CACNG3: variants seen among roughly 807,000 people sequenced by gnomAD.
CACNG3 encodes calcium voltage-gated channel auxiliary subunit gamma 3, also known as voltage-dependent calcium channel gamma-3 subunit.
CACNG3 carries 3 observed loss-of-function variants against 28.5 expected under a neutral mutation model. The ratio of observed to expected loss-of-function variants is 0.11; its 90% CI spans 0.05 to 0.27. CACNG3 has a LOEUF of 0.27. Ranked by LOEUF, CACNG3 falls within the 10% of genes least tolerant of loss-of-function variation. The probability of loss-of-function intolerance (pLI) is 1.00; values close to 1 mark genes in which losing one functional copy is unlikely to be tolerated. For synonymous variants in CACNG3, 174 were observed against 162.2 expected (o/e 1.07, Z -0.55); for missense variants, 236 against 414.4 (o/e 0.57, Z 3.74).
chr16:24,260,509 C>T (rs1173502636), intron 1 of CACNG3, among the ~76,000 whole-genome samples: 1 of 152,200 alleles, frequency 6.6e-6, no homozygotes, highest in Non-Finnish European at 1.5e-5. Context: ...GGTCACACAC[C>T]TAAACTCAGC....
chr16:24,266,207 A>C (rs1898606698), intron 1 of CACNG3, among the ~76,000 whole-genome samples: 1 of 152,208 alleles, frequency 6.6e-6, no homozygotes, highest in South Asian at 2.1e-4. Context: ...ACTGACAATA[A>C]AAAGAAAGGA....
intron 3 of CACNG3, among the ~76,000 whole-genome samples, chr16:24,358,271 C>T (rs138327829): frequency 7.9e-5 from 12 of 152,386 alleles, no homozygotes; most frequent in African/African-American, 2.6e-4. Context: ...TGAAGTCAGG[C>T]TGCCTGGCGC....
chr16:24,262,528 T>C (rs938360724), intron 1 of CACNG3, among the ~76,000 whole-genome samples: 1 of 152,332 alleles, frequency 6.6e-6, no homozygotes, highest in South Asian at 2.1e-4. Flanking sequence ...CCACCACCAC[T>C]GCACCTACCC....
Position 24,361,628 on chromosome 16 carries a change from G to C in CACNG3, c.713G>C (p.Arg238Pro), listed in dbSNP as rs746746638. The change falls in exon 4 of 4, where the codon CGC becomes CCC. Residue 238 changes from arginine (R) to proline (P), a missense_variant. This residue lies in a region of CACNG3 where 116 missense variants were observed against 151.0 expected (regional missense o/e 0.77). Coordinates refer to ENST00000005284, the MANE Select transcript of CACNG3 (RefSeq NM_006539.4). The surrounding 1 kb of genome is among the most constrained non-coding windows in gnomAD (Gnocchi z 6.8). ...RYRFRRRSSS[R>P]STEPRSRDLS... ...CGATTCCGGAGGCGGTCAAGTTCTC[G>C]CTCCACCGAGCCCAGATCCCGAGAC... 1 of 1,613,166 alleles carries C rather than the reference G, an allele frequency of 6.2e-7. No individual in the cohort carries two copies. The highest frequency in any genetic ancestry group is 1.7e-5 in the Admixed American group (1 of 59,878).
intron 1 of CACNG3, among the ~76,000 whole-genome samples, chr16:24,319,606 T>C (rs1438236309): frequency 1.2e-5 from 1 of 84,228 alleles, no homozygotes; most frequent in Admixed American, 1.1e-4. Context: ...ATTTATTTAT[T>C]TATTTATTTA....
chr16:24,262,724 T>TA (rs1460320433), intron 1 of CACNG3, among the ~76,000 whole-genome samples: 2 of 152,242 alleles, frequency 1.3e-5, no homozygotes, highest in African/African-American at 4.8e-5. Flanking sequence ...GAAAGAAACT[T>TA]ACTCCTCTTC....
At chr16:24,296,186 G>C (rs1899030247) in intron 1 of CACNG3, among the ~76,000 whole-genome samples, 1 of 152,138 alleles carries the variant, frequency 6.6e-6, no homozygotes, top group Non-Finnish European at 1.5e-5. Flanking sequence ...CCGACTCCTG[G>C]TCCTTCCTCC....
intron 1 of CACNG3, among the ~76,000 whole-genome samples, chr16:24,298,297 C>G (rs1357120922): frequency 6.6e-6 from 1 of 152,108 alleles, no homozygotes; most frequent in Non-Finnish European, 1.5e-5. Flanking sequence ...TTTACTCCAT[C>G]ACTTAATGAC....
At chr16:24,319,273 A>G (rs1899425611) in intron 1 of CACNG3, among the ~76,000 whole-genome samples, 1 of 152,208 alleles carries the variant, frequency 6.6e-6, no homozygotes, top group Non-Finnish European at 1.5e-5. Flanking sequence ...GAGGTAAAGG[A>G]AGACAAAGGT....
At chr16:24,267,107 C>T (rs994847332) in intron 1 of CACNG3, among the ~76,000 whole-genome samples, 6 of 151,708 alleles carry the variant, frequency 4.0e-5, no homozygotes, top group Non-Finnish European at 8.8e-5. Context: ...GCTGGGACTA[C>T]AGGAGCCCGC....
chr16:24,271,254 T>G (rs893167203), intron 1 of CACNG3, among the ~76,000 whole-genome samples: 1 of 152,206 alleles, frequency 6.6e-6, no homozygotes, highest in Admixed American at 6.5e-5. Flanking sequence ...TTTAACACTT[T>G]TGCCTCGCCC....
intron 1 of CACNG3, among the ~76,000 whole-genome samples, chr16:24,272,181 TA>T (rs1365879733): frequency 1.3e-5 from 2 of 152,128 alleles, no homozygotes. Context: ...TCGAGTGGTA[TA>T]TTTTTCCTAT....
intron 1 of CACNG3, among the ~76,000 whole-genome samples, chr16:24,345,258 T>A: frequency 6.6e-6 from 1 of 152,194 alleles, no homozygotes; most frequent in South Asian, 2.1e-4. Flanking sequence ...GCCCCCCTGA[T>A]TCCACTCCAG....
chr16:24,265,085 C>T (rs1282567191), intron 1 of CACNG3, among the ~76,000 whole-genome samples: 2 of 152,034 alleles, frequency 1.3e-5, no homozygotes, highest in East Asian at 1.9e-4. Flanking sequence ...ACAAAAAATA[C>T]AAAAAAGTTA....
chr16:24,292,608 C>T (rs556944542), intron 1 of CACNG3, among the ~76,000 whole-genome samples: 2 of 152,192 alleles, frequency 1.3e-5, no homozygotes, highest in East Asian at 1.9e-4. Flanking sequence ...TGCCCAGACT[C>T]TCTCCCTCTC....
At chr16:24,355,368 G>A (rs1900016060) in intron 3 of CACNG3, among the ~76,000 whole-genome samples, 2 of 27,366 alleles carry the variant, frequency 7.3e-5, no homozygotes, top group Non-Finnish European at 1.4e-4. Context: ...GAGCCCAGGA[G>A]TTCGAGACCA....
intron 1 of CACNG3, among the ~76,000 whole-genome samples, chr16:24,306,910 C>T (rs903960667): frequency 2.6e-5 from 4 of 152,102 alleles, no homozygotes; most frequent in African/African-American, 7.2e-5. Context: ...CTGTTTGACA[C>T]GGAGGGCAGG....
At chr16:24,309,509 A>T (rs1899231311) in intron 1 of CACNG3, among the ~76,000 whole-genome samples, 1 of 152,132 alleles carries the variant, frequency 6.6e-6, no homozygotes, top group Admixed American at 6.5e-5. Context: ...CACATGACTC[A>T]TTTGTCTTGG....
At chr16:24,333,795 T>C (rs1313865802) in intron 1 of CACNG3, among the ~76,000 whole-genome samples, 1 of 152,124 alleles carries the variant, frequency 6.6e-6, no homozygotes. Flanking sequence ...TGAGCTATGA[T>C]TGTGCCACTG....
Sources: allele counts gnomAD v4.1 joint callset (sites outside exome capture counted in the v4.1 genomes callset), GRCh38; gene constraint gnomAD v4.1.1; regional missense constraint gnomAD v4.1.1; non-coding constraint Gnocchi (gnomAD v3.1); transcripts MANE v1.5; gene names NCBI Gene and HGNC (gene_info 2026-07-23, HGNC 2026-07-21).